ABCA1: variants seen among roughly 807,000 people sequenced by gnomAD.
ABCA1 encodes phospholipid-transporting ATPase ABCA1.
ABCA1 carries 133 observed loss-of-function variants against 262.5 expected under a neutral mutation model. The ratio of observed to expected loss-of-function variants is 0.51; its 90% CI spans 0.44 to 0.59. ABCA1 has a LOEUF of 0.59. ABCA1 is among the 20% of genes least tolerant of loss of function. ABCA1 has a pLI of 0.00. For synonymous variants in ABCA1, 1,022 were observed against 1,043.5 expected, an observed-to-expected ratio of 0.98 and a Z score of 0.40; for missense variants, 2,452 against 2,777.5, an observed-to-expected ratio of 0.88 and a Z score of 2.63.
At chr9:104,858,399 T>A in intron 7 of ABCA1, 123 bp downstream of exon 7, 1 of 1,092,192 alleles carries the variant, frequency 9.2e-7, no homozygotes, top group African/African-American at 1.5e-5. Context: ...CTGAACTAAA[T>A]TATATCACAA....
chr9:104,798,319 C>T (rs574534808), intron 37 of ABCA1, 102 bp downstream of exon 37: 2 of 1,387,348 alleles, frequency 1.4e-6, no homozygotes, highest in Non-Finnish European at 1.0e-6. Flanking sequence ...TTTAGAGTAG[C>T]TGGAACATTT....
chr9:104,910,664 T>C (rs1841439931), intron 1 of ABCA1, among the ~76,000 whole-genome samples: 1 of 152,198 alleles, frequency 6.6e-6, no homozygotes, highest in South Asian at 2.1e-4. Context: ...GAGATGGAAG[T>C]TGAAATTTCC....
Position 104,809,520 on chromosome 9 carries a change from G to A in ABCA1, c.4220C>T (p.Ala1407Val). The A allele has an allele frequency of 1.2e-6, 2 of 1,614,202 alleles. No homozygotes were observed. The part of the protein sequence containing the change: ...EDTGTLELLN[A>V]LTKDPGFGTR... The stretch of plus-strand genomic sequence containing the variant: ...CCCGAAGCCAGGGTCTTTGGTGAGG[G>A]CGTTTAAGAGTTCCAGGGTTCCCGT... The change falls in exon 30 of 50, where the codon GCC (alanine) becomes GTC (valine). Residue 1407 changes from alanine (A) to valine (V), a missense_variant. By Grantham distance (64) the Ala-to-Val change is moderately conservative. Transcript: ENST00000374736.
At chr9:104,876,561 T>C (rs1345352476) in intron 5 of ABCA1, among the ~76,000 whole-genome samples, 1 of 152,114 alleles carries the variant, frequency 6.6e-6, no homozygotes, top group East Asian at 1.9e-4. Context: ...AAATGTTCAG[T>C]AGGAAGCAGG....
At chr9:104,926,907 T>G (rs1826392746) in intron 1 of ABCA1, among the ~76,000 whole-genome samples, 1 of 152,176 alleles carries the variant, frequency 6.6e-6, no homozygotes, top group Non-Finnish European at 1.5e-5. Context: ...TCCTAAGTCT[T>G]GTTTTTAAAA....
chr9:104,906,079 T>C (rs761847287), intron 1 of ABCA1, among the ~76,000 whole-genome samples: 2 of 152,364 alleles, frequency 1.3e-5, no homozygotes, highest in African/African-American at 4.8e-5. Context: ...GCCAAAGCAA[T>C]GTGAGTTCCC....
chr9:104,908,401 T>C (rs1244306862), intron 1 of ABCA1, among the ~76,000 whole-genome samples: 1 of 152,224 alleles, frequency 6.6e-6, no homozygotes, highest in Non-Finnish European at 1.5e-5. Context: ...GCACAGTGGC[T>C]CATGCCTGTA....
intron 22 of ABCA1, 67 bp from the exon 23 acceptor site, chr9:104,818,950 A>G: frequency 7.1e-7 from 1 of 1,418,048 alleles, no homozygotes. Context: ...TCACAGTGAC[A>G]GGGACTAGAG....
intron 40 of ABCA1, 104 bp downstream of exon 40, chr9:104,794,283 C>G (rs1252625751): frequency 1.1e-5 from 18 of 1,565,640 alleles, no homozygotes; most frequent in Non-Finnish European, 3.5e-6. Flanking sequence ...GGGGAACATC[C>G]TGTGCTTAGT....
intron 1 of ABCA1, among the ~76,000 whole-genome samples, chr9:104,909,654 A>ACACACACACACACACACACACG (rs770801372): frequency 2.7e-5 from 4 of 146,508 alleles, no homozygotes; most frequent in African/African-American, 1.0e-4. Context: ...ACACACACAC[A>ACACACACACACACACACACACG]TTCACAGGAA....
intron 7 of ABCA1, among the ~76,000 whole-genome samples, chr9:104,857,393 C>A (rs2487056): frequency 6.6e-6 from 1 of 152,086 alleles, no homozygotes; most frequent in Non-Finnish European, 1.5e-5. Context: ...CCATCACGCC[C>A]GGCTATTTTT....
intron 8 of ABCA1, among the ~76,000 whole-genome samples, chr9:104,844,212 G>A: frequency 6.6e-6 from 1 of 152,204 alleles, no homozygotes; most frequent in South Asian, 2.1e-4. Flanking sequence ...TCAGCTAACA[G>A]GGCCCTAGAG....
At chr9:104,824,685 AGATTT>A in intron 17 of ABCA1, 107 bp from the exon 18 acceptor site, 1 of 1,296,066 alleles carries the variant, frequency 7.7e-7, no homozygotes, top group East Asian at 2.4e-5. Context: ...GAGAAGGAAC[AGATTT>A]GAATGGATGT....
At chr9:104,927,242 C>T (rs1391001820) in intron 1 of ABCA1, among the ~76,000 whole-genome samples, 3 of 151,432 alleles carry the variant, frequency 2.0e-5, no homozygotes, top group African/African-American at 7.3e-5. Flanking sequence ...GGAAACAAAA[C>T]TCGTCCGCGC....
chr9:104,886,338 T>C (rs1264740944), intron 3 of ABCA1, among the ~76,000 whole-genome samples: 1 of 152,176 alleles, frequency 6.6e-6, no homozygotes, highest in Non-Finnish European at 1.5e-5. Context: ...TCTTTCTTTC[T>C]TTTCTATCCA....
chr9:104,860,662 G>C (rs1836288278), intron 6 of ABCA1, among the ~76,000 whole-genome samples: 1 of 151,858 alleles, frequency 6.6e-6, no homozygotes, highest in South Asian at 2.1e-4. Flanking sequence ...CTGCACAAGA[G>C]CTGTCTAATA....
At position 104,782,950 on chromosome 9, in the gene ABCA1, G is replaced by C. The variant is rs1413279609; in HGVS notation, c.*1365C>G. 1.3e-5 allele frequency: 2 copies of C among 152,386 alleles called. No homozygotes were observed. The highest frequency in any genetic ancestry group is 4.8e-5 in the African/African-American group (2 of 41,328). 9.4% of individuals were successfully genotyped at this position (152,386 alleles called of 1,614,324 possible). A position where few individuals can be genotyped will look rare whatever the true frequency, so the allele number is the denominator to read the frequency against. Reference sequence around the variant, plus strand: ...CCAGTGAGCTGAATAACATGGCACAGGAAGTGTACTGAGACTTAATATCTC... The same window carrying C: ...CCAGTGAGCTGAATAACATGGCACACGAAGTGTACTGAGACTTAATATCTC... On this transcript the variant is annotated 3_prime_UTR_variant, in exon 50 of 50. Coordinates refer to ENST00000374736, the MANE Select transcript of ABCA1 (RefSeq NM_005502.4).
In ABCA1 at chr9:104,786,348, C is replaced by T; in HGVS notation, c.6351G>A (p.Met2117Ile). 2 of 1,614,094 alleles carry T rather than the reference C, an allele frequency of 1.2e-6. No individual in the cohort carries two copies. Among genetic ancestry groups the T allele is most frequent in the Non-Finnish European group, 1.7e-6 (2 of 1,180,008 alleles). Residue 2117 changes from methionine (M) to isoleucine (I), a missense_variant, in exon 48 of 50, where the codon ATG (methionine) becomes ATA (isoleucine). Met to Ile is a conservative substitution (Grantham distance 10, BLOSUM62 1). Transcript: ENST00000374736. ...CAAGGCACCTGAACCTTCCATTGAC[C>T]ATGATTGCCATCCTAGTGCAAAGAG... The part of the protein sequence containing the change: ...CEALCTRMAI[M>I]VNGRFRCLGS...
chr9:104,856,026 T>A, intron 7 of ABCA1: 1 of 1,612,752 alleles, frequency 6.2e-7, no homozygotes, highest in Non-Finnish European at 8.5e-7. Context: ...CGGTTGCTGC[T>A]ACTGCTGCAC....
Sources: allele counts gnomAD v4.1 joint callset (sites outside exome capture counted in the v4.1 genomes callset), GRCh38; gene constraint gnomAD v4.1.1; transcripts MANE v1.5; gene names NCBI Gene and HGNC (gene_info 2026-07-23, HGNC 2026-07-21).